Variants in SUCLG2 observed in about 807,000 individuals in gnomAD.
The protein encoded by SUCLG2 is succinate--CoA ligase [GDP-forming] subunit beta, mitochondrial.
A neutral mutation model predicts 47.9 loss-of-function variants in SUCLG2; 42 were observed. The observed-to-expected ratio is 0.88, with a 90% CI of 0.69 to 1.14. The LOEUF is 1.14. SUCLG2 is among the 50% of genes most tolerant of loss of function. The pLI, the probability that SUCLG2 is intolerant of heterozygous loss-of-function variation, is 0.00. For missense variants in SUCLG2, 571 were observed against 525.9 expected, an observed-to-expected ratio of 1.09 and a Z score of -0.84; for synonymous variants, 195 against 197.3, an observed-to-expected ratio of 0.99 and a Z score of 0.10.
intron 2 of SUCLG2, among the ~76,000 whole-genome samples, chr3:67,556,332 G>A (rs1472492933): frequency 1.3e-5 from 2 of 152,092 alleles, no homozygotes; most frequent in African/African-American, 4.8e-5. Flanking sequence ...TGATGGTGTA[G>A]GAGAGTGTTT....
intron 9 of SUCLG2, among the ~76,000 whole-genome samples, chr3:67,475,523 AG>A (rs1249429702): frequency 1.3e-5 from 2 of 152,206 alleles, no homozygotes; most frequent in African/African-American, 4.8e-5. Context: ...GTAACTTGCC[AG>A]CCCAATGAAA....
chr3:67,630,252 T>C (rs1174716329), intron 1 of SUCLG2, among the ~76,000 whole-genome samples: 1 of 152,150 alleles, frequency 6.6e-6, no homozygotes, highest in African/African-American at 2.4e-5. Flanking sequence ...TTGTTTAATA[T>C]TACCTATAAG....
intron 9 of SUCLG2, among the ~76,000 whole-genome samples, chr3:67,425,727 C>T (rs1703282948): frequency 6.6e-6 from 1 of 152,208 alleles, no homozygotes. Context: ...TGTGGGATTC[C>T]TTGGCCTTCA....
intron 9 of SUCLG2, among the ~76,000 whole-genome samples, chr3:67,405,183 G>C (rs542647383): frequency 6.6e-6 from 1 of 152,174 alleles, no homozygotes; most frequent in Non-Finnish European, 1.5e-5. Flanking sequence ...CCAGACCCCA[G>C]ACAGCTGATC....
downstream of SUCLG2, among the ~76,000 whole-genome samples, chr3:67,374,415 T>G (rs190132552): frequency 6.6e-6 from 1 of 152,206 alleles, no homozygotes; most frequent in Non-Finnish European, 1.5e-5. Flanking sequence ...TGAGCCTCAC[T>G]TAATGGAATG....
chr3:67,490,803 A>G (rs1226997039), intron 9 of SUCLG2, among the ~76,000 whole-genome samples: 1 of 152,228 alleles, frequency 6.6e-6, no homozygotes, highest in East Asian at 1.9e-4. Context: ...TTTACAGAGT[A>G]TATTCAAATG....
At chr3:67,563,776 G>A (rs796859216) in intron 2 of SUCLG2, among the ~76,000 whole-genome samples, 3 of 151,872 alleles carry the variant, frequency 2.0e-5, no homozygotes, top group Admixed American at 2.0e-4. Context: ...TGGTTAACAC[G>A]GTGAAACCCC....
intron 2 of SUCLG2, among the ~76,000 whole-genome samples, chr3:67,598,784 T>C (rs1438527795): frequency 1.3e-5 from 2 of 152,212 alleles, no homozygotes; most frequent in Non-Finnish European, 2.9e-5. Context: ...TGTTAAGGCC[T>C]AGATCATTCC....
intron 2 of SUCLG2, among the ~76,000 whole-genome samples, chr3:67,582,687 G>A (rs751422941): frequency 2.6e-5 from 4 of 152,006 alleles, no homozygotes; most frequent in Non-Finnish European, 4.4e-5. Flanking sequence ...TTGAGAAATC[G>A]CCAAACTGTT....
chr3:67,460,664 G>C (rs1420502321), intron 9 of SUCLG2, among the ~76,000 whole-genome samples: 3 of 152,056 alleles, frequency 2.0e-5, no homozygotes, highest in Non-Finnish European at 2.9e-5. Context: ...CTGTAATATT[G>C]AATCAATGGT....
intron 2 of SUCLG2, among the ~76,000 whole-genome samples, chr3:67,579,219 A>G (rs1707819787): frequency 6.6e-6 from 1 of 152,188 alleles, no homozygotes; most frequent in African/African-American, 2.4e-5. Flanking sequence ...CCAGTAAGTT[A>G]AAGGGCTCAT....
chr3:67,393,286 A>C (rs569106235), intron 10 of SUCLG2, among the ~76,000 whole-genome samples: 17 of 152,348 alleles, frequency 1.1e-4, no homozygotes, highest in Non-Finnish European at 2.1e-4. Flanking sequence ...GGGGTGACAG[A>C]TGGCACCTGG....
chr3:67,469,242 C>T (rs1360217571), intron 9 of SUCLG2, among the ~76,000 whole-genome samples: 2 of 152,076 alleles, frequency 1.3e-5, no homozygotes, highest in African/African-American at 4.8e-5. Context: ...CCAAAAGCAG[C>T]GGGAGCTAAA....
chr3:67,641,467 T>G (rs1386245486), intron 1 of SUCLG2, among the ~76,000 whole-genome samples: 1 of 152,148 alleles, frequency 6.6e-6, no homozygotes, highest in Non-Finnish European at 1.5e-5. Flanking sequence ...AGTTACAAAT[T>G]TCAAAAACCG....
chr3:67,625,378 A>C (rs1171074546), intron 1 of SUCLG2, among the ~76,000 whole-genome samples: 2 of 152,160 alleles, frequency 1.3e-5, no homozygotes, highest in Non-Finnish European at 2.9e-5. Context: ...TTTCTGTGAA[A>C]TCTCTTTTCC....
At chr3:67,649,914 C>A (rs1701256353) in intron 1 of SUCLG2, among the ~76,000 whole-genome samples, 2 of 152,174 alleles carry the variant, frequency 1.3e-5, no homozygotes, top group African/African-American at 4.8e-5. Context: ...TTTGCGCCTG[C>A]AGAACTAGAC....
At chr3:67,636,353 CT>C (rs373165988) in intron 1 of SUCLG2, among the ~76,000 whole-genome samples, 568 of 137,932 alleles carry the variant, frequency 4.1e-3, no homozygotes, top group Middle Eastern at 7.9e-3. Context: ...AGGCAGAATC[CT>C]TTTTTTTTTT....
rs113546491 is a variant in SUCLG2, at chr3:67,411,999, C to G, written c.1063-11148G>C. Reference sequence around the variant, plus strand: ...TATTTAATATCAGGAGGAATGGAATCTTGTAGAATTCATTCTACACTGACC... The same window carrying G: ...TATTTAATATCAGGAGGAATGGAATGTTGTAGAATTCATTCTACACTGACC... On this transcript the variant is annotated intron_variant, in intron 9 of 10. Transcript: ENST00000307227. Among the ~76,000 whole-genome samples, 396 of 152,264 alleles carry G rather than the reference C, an allele frequency of 2.6e-3. 1 individual carries two copies. The highest frequency in any genetic ancestry group is 7.5e-3 in the Admixed American group (114 of 15,298).
intron 2 of SUCLG2, among the ~76,000 whole-genome samples, chr3:67,593,466 T>C (rs1362257568): frequency 1.3e-5 from 2 of 152,214 alleles, no homozygotes; most frequent in East Asian, 3.8e-4. Flanking sequence ...AATGCCTTTC[T>C]TCAACTACCC....
Sources: gnomAD v4.1 joint callset for allele counts (sites outside exome capture counted in the v4.1 genomes callset) on GRCh38, gnomAD v4.1.1 for gene constraint, MANE v1.5 for transcripts, NCBI Gene and HGNC (gene_info 2026-07-23, HGNC 2026-07-21) for gene names.